The following MARK1 variants were observed in gnomAD, a reference collection of about 807,000 sequenced individuals.
MARK1 encodes microtubule affinity regulating kinase 1.
In MARK1, 40 loss-of-function variants were observed where a neutral mutation model predicts 96.3. The observed-to-expected ratio is 0.42, with a 90% CI of 0.32 to 0.54. MARK1 has a LOEUF of 0.54. MARK1 is among the 20% of genes least tolerant of loss of function. The pLI is 0.16. For missense variants in MARK1, 719 were observed against 984.6 expected (o/e 0.73, Z 3.61); for synonymous variants, 317 against 341.2 (o/e 0.93, Z 0.78).
rs1030177659 is a variant in MARK1, at chr1:220,654,112, T to A, written c.1988+760T>A. Among the ~76,000 whole-genome samples, 4 of 152,122 alleles carry A rather than the reference T, an allele frequency of 2.6e-5. No individual in the cohort carries two copies. Among genetic ancestry groups the A allele is most frequent in the African/African-American group, 9.7e-5 (4 of 41,418 alleles). On this transcript the variant is annotated intron_variant, in intron 16 of 17. Coordinates refer to ENST00000366917, the MANE Select transcript of MARK1 (RefSeq NM_018650.5). The surrounding 1 kb of genome is among the most constrained non-coding windows in gnomAD (Gnocchi z 4.0). The stretch of plus-strand genomic sequence containing the variant: ...ATGGCATCTGTGCCCTCCAGATTCT[T>A]ATAGTCTTGTAAGAAGCAGACAAAC...
chr1:220,658,488 G>C (rs1669297574), intron 17 of MARK1, among the ~76,000 whole-genome samples: 1 of 152,184 alleles, frequency 6.6e-6, no homozygotes, highest in African/African-American at 2.4e-5. Context: ...TGCTTATGCT[G>C]CTGTTCTAGG....
At chr1:220,571,027 T>G (rs1335018104) in intron 1 of MARK1, among the ~76,000 whole-genome samples, 1 of 152,226 alleles carries the variant, frequency 6.6e-6, no homozygotes, top group African/African-American at 2.4e-5. Flanking sequence ...TCTTATCAAA[T>G]TTATTGACAT....
At chr1:220,578,759 A>C (rs2786613) in intron 1 of MARK1, among the ~76,000 whole-genome samples, 3 of 152,126 alleles carry the variant, frequency 2.0e-5, no homozygotes, top group African/African-American at 7.2e-5. Context: ...ACACCTTTAT[A>C]GGAATAATGG....
chr1:220,575,750 G>A (rs1663785822), intron 1 of MARK1, among the ~76,000 whole-genome samples: 1 of 151,674 alleles, frequency 6.6e-6, no homozygotes, highest in Non-Finnish European at 1.5e-5. Context: ...TTGAGGGCTA[G>A]GAGATCTTTT....
chr1:220,582,256 G>T (rs561256847), intron 3 of MARK1, among the ~76,000 whole-genome samples: 1 of 152,186 alleles, frequency 6.6e-6, no homozygotes, highest in East Asian at 1.9e-4. Flanking sequence ...TGAAAACTTT[G>T]CTGGGTTCTT....
intron 1 of MARK1, among the ~76,000 whole-genome samples, chr1:220,578,164 GT>G (rs1216956409): frequency 6.6e-6 from 1 of 152,026 alleles, no homozygotes; most frequent in African/African-American, 2.4e-5. Context: ...TTGTTATTTT[GT>G]TTTACTCTTC....
intron 3 of MARK1, among the ~76,000 whole-genome samples, chr1:220,583,927 A>G (rs1160871888): frequency 6.6e-6 from 1 of 151,108 alleles, no homozygotes; most frequent in African/African-American, 2.4e-5. Context: ...CGGCCTCCCA[A>G]AGTGTTGGGA....
intron 11 of MARK1, among the ~76,000 whole-genome samples, chr1:220,635,083 G>A (rs909234839): frequency 2.0e-5 from 3 of 152,030 alleles, no homozygotes; most frequent in Admixed American, 6.6e-5. Flanking sequence ...ACAGTGCCTA[G>A]TCTATAATAA....
intron 13 of MARK1, among the ~76,000 whole-genome samples, chr1:220,641,185 A>G (rs1243244238): frequency 1.3e-5 from 2 of 152,238 alleles, no homozygotes; most frequent in African/African-American, 4.8e-5. Flanking sequence ...GCAGTACAAA[A>G]TATAAAATGA....
chr1:220,543,553 G>C (rs1661286324), intron 1 of MARK1, among the ~76,000 whole-genome samples: 1 of 152,124 alleles, frequency 6.6e-6, no homozygotes, highest in Non-Finnish European at 1.5e-5. Flanking sequence ...CTATGCCACA[G>C]AGTTTAGCGT....
chr1:220,624,936 A>G (rs1040398498), intron 9 of MARK1, among the ~76,000 whole-genome samples: 1 of 152,198 alleles, frequency 6.6e-6, no homozygotes, highest in Admixed American at 6.5e-5. Context: ...TCTTGTCATC[A>G]AGTGCAATAG....
intron 2 of MARK1, among the ~76,000 whole-genome samples, chr1:220,580,633 A>T (rs1664174315): frequency 6.6e-6 from 1 of 152,206 alleles, no homozygotes; most frequent in African/African-American, 2.4e-5. Context: ...AGCCTTAGAT[A>T]TTCAAGTCCA....
intron 1 of MARK1, among the ~76,000 whole-genome samples, chr1:220,557,088 A>G (rs1475352465): frequency 6.6e-6 from 1 of 152,194 alleles, no homozygotes; most frequent in Admixed American, 6.6e-5. Context: ...AAGGAGATTC[A>G]TACCTATGGA....
At position 220,587,957 on chromosome 1, in the gene MARK1, A is replaced by T. The variant is rs528615516; in HGVS notation, c.309+6839A>T. ...ATGCATAGCCTCAACTTTACTAGAT[A>T]ATGTCAAATTGCTCTCCAGTGTAGT... On this transcript the variant is annotated intron_variant, in intron 3 of 17. Coordinates refer to ENST00000366917, the MANE Select transcript of MARK1 (RefSeq NM_018650.5). Among the ~76,000 whole-genome samples the T allele has an allele frequency of 4.6e-5, 7 of 152,308 alleles. No individual in the cohort carries two copies. In the East Asian group the frequency reaches 1.4e-3, roughly 29 times the overall value.
chr1:220,553,201 C>T (rs900681931), intron 1 of MARK1, among the ~76,000 whole-genome samples: 1 of 152,130 alleles, frequency 6.6e-6, no homozygotes, highest in African/African-American at 2.4e-5. Context: ...ATCATTCAGC[C>T]AAGCCATTAG....
intron 1 of MARK1, chr1:220,571,949 C>G (rs1663493755): frequency 6.6e-6 from 1 of 152,324 alleles, no homozygotes; most frequent in African/African-American, 2.4e-5. Flanking sequence ...ACATAGTGTA[C>G]TACAGCCCAG....
chr1:220,537,722 A>G (rs1309238344), intron 1 of MARK1, among the ~76,000 whole-genome samples: 1 of 149,180 alleles, frequency 6.7e-6, no homozygotes, highest in East Asian at 2.0e-4. Context: ...AAGTGTTCCT[A>G]TTTCTCCACA....
At chr1:220,554,867 A>T (rs1025538509) in intron 1 of MARK1, among the ~76,000 whole-genome samples, 1 of 152,324 alleles carries the variant, frequency 6.6e-6, no homozygotes, top group African/African-American at 2.4e-5. Flanking sequence ...TGAAAATTTT[A>T]AACTTTTTAT....
chr1:220,623,369 C>T (rs745768103), intron 9 of MARK1, among the ~76,000 whole-genome samples: 4 of 152,164 alleles, frequency 2.6e-5, no homozygotes, highest in Non-Finnish European at 2.9e-5. Flanking sequence ...ATCCATACTT[C>T]GTTGCTTTCT....
Sources: allele counts gnomAD v4.1 joint callset (sites outside exome capture counted in the v4.1 genomes callset), GRCh38; gene constraint gnomAD v4.1.1; non-coding constraint Gnocchi (gnomAD v3.1); transcripts MANE v1.5; gene names NCBI Gene and HGNC (gene_info 2026-07-23, HGNC 2026-07-21).